PHF14: variants seen among roughly 807,000 people sequenced by gnomAD.
The protein encoded by PHF14 is PHD finger protein 14.
In PHF14, 55 loss-of-function variants were observed where a neutral mutation model predicts 117.9. The ratio of observed to expected loss-of-function variants is 0.47; its 90% CI spans 0.38 to 0.58. The LOEUF is 0.58. Ranked by LOEUF, PHF14 falls within the 20% of genes least tolerant of loss-of-function variation. The pLI is 0.00. For synonymous variants in PHF14, 409 were observed against 368.6 expected (o/e 1.11, Z -1.26); for missense variants, 978 against 1,122.2 (o/e 0.87, Z 1.84).
chr7:11,147,117 G>A (rs1484844288), intron 17 of PHF14, among the ~76,000 whole-genome samples: 1 of 152,122 alleles, frequency 6.6e-6, no homozygotes, highest in African/African-American at 2.4e-5. Context: ...CAAAGTGCTG[G>A]GATTACGGGC....
intron 17 of PHF14, among the ~76,000 whole-genome samples, chr7:11,152,203 T>G (rs1273162982): frequency 6.6e-6 from 1 of 152,142 alleles, no homozygotes; most frequent in Non-Finnish European, 1.5e-5. Context: ...TTTGGAAAAG[T>G]ATGTGAAGCT....
chr7:11,085,557 C>G (rs1469385857), intron 16 of PHF14, among the ~76,000 whole-genome samples: 3 of 152,140 alleles, frequency 2.0e-5, no homozygotes, highest in Non-Finnish European at 4.4e-5. Context: ...TTTTAATTTT[C>G]TAAATACTCA....
intron 16 of PHF14, among the ~76,000 whole-genome samples, chr7:11,075,540 C>G (rs1247764189): frequency 6.9e-6 from 1 of 145,012 alleles, no homozygotes; most frequent in African/African-American, 2.5e-5. Context: ...CAAGAACTCA[C>G]TCATTCCCAT....
chr7:11,152,899 TCAGAGGG>T (rs1170091615), intron 17 of PHF14, among the ~76,000 whole-genome samples: 5 of 152,256 alleles, frequency 3.3e-5, no homozygotes, highest in Non-Finnish European at 7.4e-5. Flanking sequence ...TGTTCAGGAA[TCAGAGGG>T]AAGAGCAGCA....
intron 4 of PHF14, among the ~76,000 whole-genome samples, chr7:10,998,471 G>A (rs542052682): frequency 2.0e-5 from 3 of 152,114 alleles, no homozygotes; most frequent in Non-Finnish European, 2.9e-5. Context: ...CACATACACA[G>A]CAATAAGACC....
chr7:11,159,228 T>A (rs62438684), intron 17 of PHF14, among the ~76,000 whole-genome samples: 38,949 of 151,870 alleles, frequency 0.26, 5,609 homozygotes, highest in East Asian at 0.5. Flanking sequence ...AAGATTGTTA[T>A]AATGCCATTT....
intron 17 of PHF14, among the ~76,000 whole-genome samples, chr7:11,156,666 G>T (rs1330530687): frequency 6.6e-6 from 1 of 152,072 alleles, no homozygotes; most frequent in African/African-American, 2.4e-5. Flanking sequence ...GTAGTGGCAG[G>T]CGCCTGTAAT....
intron 4 of PHF14, among the ~76,000 whole-genome samples, chr7:10,992,637 TG>T (rs1421715454): frequency 1.3e-5 from 2 of 152,136 alleles, no homozygotes; most frequent in East Asian, 3.9e-4. Context: ...TACTCCAGCC[TG>T]GGCGACAGAG....
intron 4 of PHF14, among the ~76,000 whole-genome samples, chr7:11,004,867 C>T (rs889710309): frequency 6.6e-6 from 1 of 151,880 alleles, no homozygotes; most frequent in Admixed American, 6.6e-5. Context: ...GAAATCCCGT[C>T]TCTACTAAAA....
rs75003737 is a variant in PHF14 at position 11,119,909 on chromosome 7, T to C, written c.2772+8442T>C. ...ATTTTCTGATGGAATCTTTCCTAGG[T>C]GTGATAAGTTGTAAATTAGAGGTTA... is the stretch of plus-strand genomic sequence containing the variant. On this transcript the variant is annotated intron_variant, in intron 17 of 17. Coordinates refer to ENST00000634607, the MANE Select transcript of PHF14 (RefSeq NM_001007157.2). 8.6e-5 allele frequency among the ~76,000 whole-genome samples: 13 copies of C among 152,014 alleles called. No homozygotes were observed. In the East Asian group the frequency reaches 2.5e-3, roughly 29 times the overall value.
At chr7:11,168,760 A>G (rs900525766) in intron 17 of PHF14, among the ~76,000 whole-genome samples, 1 of 152,180 alleles carries the variant, frequency 6.6e-6, no homozygotes, top group African/African-American at 2.4e-5. Context: ...CCAGACTCTC[A>G]TTGCTTATAC....
intron 14 of PHF14, among the ~76,000 whole-genome samples, chr7:11,058,842 C>T (rs1049013381): frequency 1.3e-5 from 2 of 152,162 alleles, no homozygotes; most frequent in Non-Finnish European, 2.9e-5. Flanking sequence ...TCAGGTTTAC[C>T]TCAGAAACTT....
chr7:11,052,946 T>C (rs1712470439), intron 14 of PHF14, among the ~76,000 whole-genome samples: 1 of 152,152 alleles, frequency 6.6e-6, no homozygotes, highest in Non-Finnish European at 1.5e-5. Flanking sequence ...GTTTGGTGTG[T>C]ATGTTTTCTA....
intron 17 of PHF14, among the ~76,000 whole-genome samples, chr7:11,135,735 T>C (rs1583492783): frequency 6.6e-6 from 1 of 152,170 alleles, no homozygotes; most frequent in South Asian, 2.1e-4. Context: ...GATAAACCTA[T>C]TGCAAATGAA....
chr7:11,069,116 G>T (rs1013624662), intron 16 of PHF14, among the ~76,000 whole-genome samples: 26 of 152,128 alleles, frequency 1.7e-4, no homozygotes, highest in Admixed American at 3.3e-4. Flanking sequence ...GAAGAAGCCA[G>T]TCAGGAAAGG....
intron 13 of PHF14, among the ~76,000 whole-genome samples, chr7:11,051,152 C>T (rs189190465): frequency 1.3e-5 from 2 of 152,208 alleles, no homozygotes; most frequent in Admixed American, 6.5e-5. Flanking sequence ...GTGACTCTTT[C>T]ACTTCAGCTT....
At chr7:11,068,280 G>T (rs1234976270) in intron 16 of PHF14, among the ~76,000 whole-genome samples, 3 of 146,400 alleles carry the variant, frequency 2.0e-5, no homozygotes, top group Non-Finnish European at 3.0e-5. Context: ...GAACCCGGAG[G>T]CAGGGCTTGC....
At chr7:10,980,409 A>G (rs1165856952) in intron 2 of PHF14, among the ~76,000 whole-genome samples, 5 of 152,158 alleles carry the variant, frequency 3.3e-5, no homozygotes, top group African/African-American at 1.2e-4. Context: ...AACTCTGGTT[A>G]TTATTTATTA....
chr7:11,027,035 G>C (rs1388211697), intron 6 of PHF14, among the ~76,000 whole-genome samples: 1 of 152,062 alleles, frequency 6.6e-6, no homozygotes, highest in Non-Finnish European at 1.5e-5. Flanking sequence ...TGATTCAGGC[G>C]ATTGAGGAAG....
Sources: allele counts gnomAD v4.1 joint callset (sites outside exome capture counted in the v4.1 genomes callset), GRCh38; gene constraint gnomAD v4.1.1; transcripts MANE v1.5; gene names NCBI Gene and HGNC (gene_info 2026-07-23, HGNC 2026-07-21).